The following PGM5 variants were observed in gnomAD, a reference collection of about 807,000 sequenced individuals.
PGM5 encodes phosphoglucomutase 5, also known as phosphoglucomutase-like protein 5.
PGM5 carries 23 observed loss-of-function variants against 59.2 expected under a neutral mutation model. That is an observed-to-expected ratio of 0.39 (90% CI 0.28 to 0.55). PGM5 has a LOEUF of 0.55. Ranked by LOEUF, PGM5 falls within the 20% of genes least tolerant of loss-of-function variation. The pLI, the probability that PGM5 is intolerant of heterozygous loss-of-function variation, is 0.66. For missense variants in PGM5, 574 were observed against 748.3 expected (o/e 0.77, Z 2.72); for synonymous variants, 214 against 286.0 (o/e 0.75, Z 2.54).
Position 68,499,350 on chromosome 9 carries a change from C to CAGG in PGM5, c.1606_1608dup (p.Glu536dup). On this transcript the variant is annotated inframe_insertion, in exon 10 of 11. Coordinates refer to ENST00000396396, the MANE Select transcript of PGM5 (RefSeq NM_021965.4). Reference sequence around the variant, plus strand: ...CGAGAGGGATCCCAGCGGCCATGACCAGGAGCCACAGGTACAGAAACAGCT... The same window carrying CAGG: ...CGAGAGGGATCCCAGCGGCCATGACCAGGAGGAGCCACAGGTACAGAAACAGCT... The CAGG allele has an allele frequency of 6.2e-7, 1 of 1,614,008 alleles. No individual in the cohort carries two copies. Among genetic ancestry groups the CAGG allele is most frequent in the Non-Finnish European group, 8.5e-7 (1 of 1,179,982 alleles).
At chr9:68,357,740 A>G (rs1279502693) in intron 1 of PGM5, 3 of 318,148 alleles carry the variant, frequency 9.4e-6, no homozygotes, top group Non-Finnish European at 1.8e-5. Flanking sequence ...TGTAGATTCC[A>G]AGGCAGCTCC....
At chr9:68,481,651 C>G (rs1401175469) in intron 8 of PGM5, among the ~76,000 whole-genome samples, 2 of 152,156 alleles carry the variant, frequency 1.3e-5, no homozygotes, top group Non-Finnish European at 2.9e-5. Flanking sequence ...GTTATGGTAA[C>G]TGTATTTATA....
chr9:68,507,026 T>A (rs138831735), intron 10 of PGM5, among the ~76,000 whole-genome samples: 28 of 152,322 alleles, frequency 1.8e-4, no homozygotes, highest in African/African-American at 5.1e-4. Flanking sequence ...AAATAAAAGA[T>A]GTTGTTATTT....
chr9:68,513,897 A>G (rs997586405), intron 10 of PGM5, among the ~76,000 whole-genome samples: 1 of 152,240 alleles, frequency 6.6e-6, no homozygotes, highest in Non-Finnish European at 1.5e-5. Flanking sequence ...TCTGACTCAT[A>G]TCAGCCCATG....
At chr9:68,503,085 G>T (rs1328323475) in intron 10 of PGM5, among the ~76,000 whole-genome samples, 2 of 152,056 alleles carry the variant, frequency 1.3e-5, no homozygotes, top group African/African-American at 4.8e-5. Flanking sequence ...CAAACCAAAG[G>T]TCATCTGTCA....
chr9:68,443,568 C>T (rs943327737), intron 6 of PGM5, among the ~76,000 whole-genome samples: 12 of 152,204 alleles, frequency 7.9e-5, no homozygotes, highest in African/African-American at 2.7e-4. Context: ...GTGCAGCTTG[C>T]GTACCACTTC....
intron 7 of PGM5, among the ~76,000 whole-genome samples, chr9:68,468,165 G>T (rs1357665277): frequency 6.6e-6 from 1 of 151,644 alleles, no homozygotes; most frequent in African/African-American, 2.4e-5. Flanking sequence ...TGTCGTTTCT[G>T]CTCCTCTCCT....
At chr9:68,450,434 C>G (rs1374991214) in intron 6 of PGM5, among the ~76,000 whole-genome samples, 1 of 152,068 alleles carries the variant, frequency 6.6e-6, no homozygotes, top group Admixed American at 6.6e-5. Flanking sequence ...TAACCTCTTC[C>G]GAAGGTGAAT....
intron 10 of PGM5, among the ~76,000 whole-genome samples, chr9:68,504,981 T>G (rs1554688913): frequency 6.6e-6 from 1 of 152,226 alleles, no homozygotes; most frequent in East Asian, 1.9e-4. Context: ...ACTGAGGTCT[T>G]GAATAAAATA....
At chr9:68,363,202 G>A (rs1441671001) in intron 1 of PGM5, among the ~76,000 whole-genome samples, 5 of 152,164 alleles carry the variant, frequency 3.3e-5, no homozygotes, top group Admixed American at 6.5e-5. Flanking sequence ...TTCTTTCTCT[G>A]GAGATGACAT....
intron 6 of PGM5, among the ~76,000 whole-genome samples, chr9:68,427,248 A>G (rs1823253843): frequency 6.6e-6 from 1 of 152,218 alleles, no homozygotes; most frequent in African/African-American, 2.4e-5. Context: ...ATTGCAGGGA[A>G]GGCCCTTGCT....
At chr9:68,451,367 T>C (rs1243207358) in intron 6 of PGM5, among the ~76,000 whole-genome samples, 1 of 152,252 alleles carries the variant, frequency 6.6e-6, no homozygotes, top group Non-Finnish European at 1.5e-5. Context: ...TATTTTCTTC[T>C]TTTGAAAGGT....
At chr9:68,400,048 T>C (rs1412685972) in intron 6 of PGM5, among the ~76,000 whole-genome samples, 7 of 152,194 alleles carry the variant, frequency 4.6e-5, no homozygotes, top group African/African-American at 1.7e-4. Context: ...TTCTACTTTA[T>C]GTTCTCATTA....
At chr9:68,463,130 G>A (rs563116520) in intron 6 of PGM5, among the ~76,000 whole-genome samples, 1 of 151,602 alleles carries the variant, frequency 6.6e-6, no homozygotes, top group Non-Finnish European at 1.5e-5. Flanking sequence ...CATTGTATTT[G>A]GGGTTTGTGA....
chr9:68,474,703 G>A (rs1554686522), intron 7 of PGM5, among the ~76,000 whole-genome samples: 1 of 151,608 alleles, frequency 6.6e-6, no homozygotes, highest in African/African-American at 2.4e-5. Flanking sequence ...CGTGGGCTTT[G>A]GGCTGGGCTA....
chr9:68,468,860 C>A (rs1823978665), intron 7 of PGM5, among the ~76,000 whole-genome samples: 1 of 152,196 alleles, frequency 6.6e-6, no homozygotes, highest in African/African-American at 2.4e-5. Flanking sequence ...ATGGGAATAG[C>A]TTTCTCTTAC....
At chr9:68,505,367 C>T (rs1554688939) in intron 10 of PGM5, among the ~76,000 whole-genome samples, 1 of 152,156 alleles carries the variant, frequency 6.6e-6, no homozygotes, top group Non-Finnish European at 1.5e-5. Flanking sequence ...CTATTCAAGT[C>T]AGTTCTGACA....
intron 6 of PGM5, among the ~76,000 whole-genome samples, chr9:68,401,112 T>C (rs1210105375): frequency 6.6e-6 from 1 of 150,842 alleles, no homozygotes; most frequent in Non-Finnish European, 1.5e-5. Context: ...TGTATTAAAC[T>C]GGCTAGAGTG....
chr9:68,515,015 T>G (rs1824804585), intron 10 of PGM5, among the ~76,000 whole-genome samples: 1 of 152,230 alleles, frequency 6.6e-6, no homozygotes, highest in African/African-American at 2.4e-5. Context: ...GCTGAGAGAT[T>G]CAAAATAACA....
Sources: allele counts gnomAD v4.1 joint callset (sites outside exome capture counted in the v4.1 genomes callset), GRCh38; gene constraint gnomAD v4.1.1; transcripts MANE v1.5; gene names NCBI Gene and HGNC (gene_info 2026-07-23, HGNC 2026-07-21).